ARHGAP29: variants seen among roughly 807,000 people sequenced by gnomAD.
ARHGAP29 encodes rho GTPase-activating protein 29.
A neutral mutation model predicts 122.6 loss-of-function variants in ARHGAP29; 43 were observed. The ratio of observed to expected loss-of-function variants is 0.35; its 90% confidence interval spans 0.27 to 0.45. The LOEUF is 0.45. Ranked by LOEUF, ARHGAP29 falls within the 20% of genes least tolerant of loss-of-function variation. The pLI is 1.00. For synonymous variants in ARHGAP29, 506 were observed against 497.1 expected (o/e 1.02, Z -0.24); for missense variants, 1,303 against 1,477.2 (o/e 0.88, Z 1.93).
chr1:94,302,814 C>T, the ARHGAP29 span: 6 of 243,674 alleles, frequency 2.5e-5, no homozygotes, highest in South Asian at 8.4e-5. Flanking sequence ...GAAGCGGCAT[C>T]GGAGGGGGCC....
chr1:94,313,759 A>T, the ARHGAP29 span, among the ~76,000 whole-genome samples: 6 of 152,222 alleles, frequency 3.9e-5, no homozygotes, highest in African/African-American at 1.4e-4. Flanking sequence ...GGATTAAGAA[A>T]CTGTGGCACA....
In ARHGAP29 at chr1:94,184,044, G is replaced by A. The variant is rs111602301; in HGVS notation, c.2247+107C>T. 4.3e-4 allele frequency: 519 copies of A among 1,213,862 alleles called. 3 individuals are homozygous for A. In the African/African-American group the frequency reaches 6.4e-3, roughly 15 times the overall value. 75.2% of individuals were successfully genotyped at this position (1,213,862 alleles called of 1,614,324 possible). ...TAATCATTAGCAAGATACCTATACC[G>A]TCTATGCCAATGAAAAAACATGTGT... On this transcript the variant is annotated intron_variant, in intron 19 of 22. Coordinates refer to ENST00000260526, the MANE Select transcript of ARHGAP29 (RefSeq NM_004815.4).
chr1:94,223,102 C>A (rs914565879), intron 2 of ARHGAP29, among the ~76,000 whole-genome samples: 1 of 152,114 alleles, frequency 6.6e-6, no homozygotes, highest in Non-Finnish European at 1.5e-5. Flanking sequence ...CGCCACCACA[C>A]CCAGCTAATT....
At chr1:94,299,693 G>A in the ARHGAP29 span, among the ~76,000 whole-genome samples, 2 of 152,096 alleles carry the variant, frequency 1.3e-5, no homozygotes, top group African/African-American at 4.8e-5. Flanking sequence ...GTGGGAGCCT[G>A]GAGCTCTTAG....
the ARHGAP29 span, among the ~76,000 whole-genome samples, chr1:94,289,348 A>T: frequency 8.2e-4 from 125 of 152,304 alleles, no homozygotes; most frequent in African/African-American, 2.8e-3. Context: ...TTGTATCCTG[A>T]GACTTTGCTG....
Position 94,173,394 on chromosome 1 carries a change from A to G in ARHGAP29, c.*475T>C, listed in dbSNP as rs1648875645. The G allele has an allele frequency of 6.5e-6, 1 of 154,046 alleles. No homozygotes were observed. The highest frequency in any genetic ancestry group is 2.4e-5 in the African/African-American group (1 of 41,482). The allele number at this position is 154,046 out of a possible 1,614,324, so 9.5% of individuals were successfully genotyped here. Reference sequence around the variant, plus strand: ...AAGCACAAATGGTGAAAGATGCACTATAAAATTGTGTGACAAAACATATGC... The same window carrying G: ...AAGCACAAATGGTGAAAGATGCACTGTAAAATTGTGTGACAAAACATATGC... On this transcript the variant is annotated 3_prime_UTR_variant, in exon 23 of 23. Transcript: ENST00000260526.
chr1:94,216,994 C>T (rs765635681), intron 3 of ARHGAP29, among the ~76,000 whole-genome samples: 3 of 152,120 alleles, frequency 2.0e-5, no homozygotes, highest in Non-Finnish European at 4.4e-5. Context: ...GTAAACTCCA[C>T]ATTTAAAATA....
At chr1:94,237,265 T>G in intron 1 of ARHGAP29, 150 bp downstream of exon 1, 1 of 483,394 alleles carries the variant, frequency 2.1e-6, no homozygotes, top group Non-Finnish European at 2.7e-6. Context: ...AGGACACCCG[T>G]CCCTAGCGCA....
At chr1:94,179,616 A>G in intron 20 of ARHGAP29, 109 bp downstream of exon 20, 2 of 629,528 alleles carry the variant, frequency 3.2e-6, no homozygotes, top group Non-Finnish European at 2.5e-6. Context: ...AAAAAAAAAA[A>G]AAGAATGGCT....
chr1:94,195,131 T>G (rs1341080432), intron 12 of ARHGAP29: 1 of 152,180 alleles, frequency 6.6e-6, no homozygotes, highest in African/African-American at 2.4e-5. Flanking sequence ...TATATTCTCT[T>G]GAAAAAGACA....
intron 2 of ARHGAP29, 106 bp from the exon 3 acceptor site, chr1:94,220,498 A>G: frequency 9.7e-7 from 1 of 1,026,354 alleles, no homozygotes; most frequent in Non-Finnish European, 1.4e-6. Context: ...TGGTTACACA[A>G]TTTTTGCCTA....
At chr1:94,310,430 C>T in the ARHGAP29 span, among the ~76,000 whole-genome samples, 9 of 152,328 alleles carry the variant, frequency 5.9e-5, no homozygotes, top group Admixed American at 3.9e-4. Context: ...GGAGCGTGCT[C>T]AGTAGAAAGC....
chr1:94,239,352 T>C (rs1403182539), upstream of ARHGAP29, among the ~76,000 whole-genome samples: 1 of 152,130 alleles, frequency 6.6e-6, no homozygotes, highest in East Asian at 1.9e-4. Context: ...TTATACACCA[T>C]TTCCCTTAAT....
chr1:94,303,766 G>A, the ARHGAP29 span, among the ~76,000 whole-genome samples: 1 of 152,168 alleles, frequency 6.6e-6, no homozygotes. Context: ...TGGGGGTTAA[G>A]TAAGTGGTCC....
chr1:94,218,490 G>A (rs111843612), intron 3 of ARHGAP29, among the ~76,000 whole-genome samples: 7 of 152,236 alleles, frequency 4.6e-5, no homozygotes, highest in East Asian at 1.9e-4. Flanking sequence ...ATACACAGGC[G>A]CACTCCTTCC....
intron 1 of ARHGAP29, among the ~76,000 whole-genome samples, chr1:94,266,842 C>T (rs761421973): frequency 6.6e-6 from 1 of 152,104 alleles, no homozygotes; most frequent in African/African-American, 2.4e-5. Flanking sequence ...TTGCGAAAAC[C>T]AATCATTATC....
At chr1:94,220,150 T>A in intron 3 of ARHGAP29, 108 bp downstream of exon 3, 1 of 1,226,622 alleles carries the variant, frequency 8.2e-7, no homozygotes, top group African/African-American at 1.5e-5. Context: ...TTAACATACA[T>A]CACACAAATG....
At chr1:94,209,421 C>A (rs923189807) in intron 3 of ARHGAP29, 71 bp from the exon 4 acceptor site, 4 of 904,686 alleles carry the variant, frequency 4.4e-6, no homozygotes, top group Admixed American at 3.2e-5. Flanking sequence ...TCATTTAATC[C>A]TTTAAAACTT....
At chr1:94,205,264 A>C (rs1046700925) in intron 6 of ARHGAP29, 66 bp from the exon 7 acceptor site, 18 of 1,271,046 alleles carry the variant, frequency 1.4e-5, no homozygotes, top group Admixed American at 2.9e-5. Flanking sequence ...CAAACAAAGA[A>C]GCACTGAGAT....
Sources: gnomAD v4.1 joint callset for allele counts (sites outside exome capture counted in the v4.1 genomes callset) on GRCh38, gnomAD v4.1.1 for gene constraint, MANE v1.5 for transcripts, NCBI Gene and HGNC (gene_info 2026-07-23, HGNC 2026-07-21) for gene names.